The following ATP6V1B2 variants were observed in gnomAD, a reference collection of about 807,000 sequenced individuals.
The protein encoded by ATP6V1B2 is ATPase H+ transporting V1 subunit B2.
A neutral mutation model predicts 66.7 loss-of-function variants in ATP6V1B2; 23 were observed. The ratio of observed to expected loss-of-function variants is 0.34; its 90% confidence interval spans 0.25 to 0.49. The LOEUF (loss-of-function observed/expected upper bound fraction) is 0.49. ATP6V1B2 is among the 20% of genes least tolerant of loss of function. ATP6V1B2 has a pLI of 0.99. For synonymous variants in ATP6V1B2, 278 were observed against 236.7 expected, an observed-to-expected ratio of 1.17 and a Z score of -1.60; for missense variants, 478 against 650.8, an observed-to-expected ratio of 0.73 and a Z score of 2.89.
intron 7 of ATP6V1B2, 75 bp downstream of exon 7, chr8:20,211,828 A>G (rs1293460505): frequency 1.7e-6 from 2 of 1,194,332 alleles, no homozygotes; most frequent in Non-Finnish European, 2.4e-6. Context: ...TAAGCTGTAC[A>G]TATATAGTTG....
At chr8:20,219,047 G>A (rs1054030210) in intron 13 of ATP6V1B2, among the ~76,000 whole-genome samples, 3 of 152,162 alleles carry the variant, frequency 2.0e-5, no homozygotes, top group Non-Finnish European at 4.4e-5. Flanking sequence ...AATTTGTGTT[G>A]TTTTCTTTTG....
At chr8:20,215,147 A>T (rs2072840697) in intron 10 of ATP6V1B2, 179 bp downstream of exon 10, 1 of 689,360 alleles carries the variant, frequency 1.5e-6, no homozygotes, top group African/African-American at 1.8e-5. Context: ...CCTATTGTGG[A>T]GGAAAAGCAA....
intron 2 of ATP6V1B2, among the ~76,000 whole-genome samples, chr8:20,207,851 A>T (rs78715684): frequency 0.1 from 15,244 of 152,182 alleles, 860 homozygotes; most frequent in Admixed American, 0.16. Context: ...TCTATAAATG[A>T]ATAAGAAGGA....
intron 5 of ATP6V1B2, 119 bp downstream of exon 5, chr8:20,210,765 C>A: frequency 1.8e-6 from 1 of 543,306 alleles, no homozygotes; most frequent in Non-Finnish European, 3.1e-6. Context: ...CAACACGCTC[C>A]ATAGGTTATA....
chr8:20,216,110 T>G, intron 10 of ATP6V1B2: 1 of 201,002 alleles, frequency 5.0e-6, no homozygotes, highest in South Asian at 1.1e-4. Context: ...CCAGTATGGT[T>G]GCCGCTAGCC....
chr8:20,217,020 T>A (rs965218156), intron 11 of ATP6V1B2, 200 bp from the exon 12 acceptor site: 2 of 552,764 alleles, frequency 3.6e-6, no homozygotes, highest in African/African-American at 3.8e-5. Context: ...GATTTGATTC[T>A]CGAAAGAAAT....
chr8:20,203,657 A>T (rs1364144819), intron 1 of ATP6V1B2, among the ~76,000 whole-genome samples: 1 of 152,200 alleles, frequency 6.6e-6, no homozygotes, highest in East Asian at 1.9e-4. Flanking sequence ...GGTGTCTGGT[A>T]GAATTACTCT....
chr8:20,199,994 TTGTGTGTG>T (rs34916825), intron 1 of ATP6V1B2, among the ~76,000 whole-genome samples: 4 of 149,472 alleles, frequency 2.7e-5, no homozygotes, highest in Non-Finnish European at 5.9e-5. Context: ...ATTATAGTTA[TTGTGTGTG>T]TGTGTGTGTG....
intron 13 of ATP6V1B2, among the ~76,000 whole-genome samples, chr8:20,219,323 C>T (rs977544090): frequency 2.6e-5 from 4 of 152,056 alleles, no homozygotes; most frequent in African/African-American, 9.7e-5. Context: ...ACTTTTTCAC[C>T]ACTCTTCTTG....
chr8:20,204,883 C>G, intron 2 of ATP6V1B2, among the ~76,000 whole-genome samples: 1 of 152,106 alleles, frequency 6.6e-6, no homozygotes. Flanking sequence ...CGTGTGACCC[C>G]TCTGGAAGTA....
intron 2 of ATP6V1B2, among the ~76,000 whole-genome samples, chr8:20,204,807 G>T (rs765396291): frequency 6.6e-6 from 1 of 152,140 alleles, no homozygotes; most frequent in Non-Finnish European, 1.5e-5. Context: ...GGTTACAGGG[G>T]TGGGTCAGGG....
At position 20,214,808 on chromosome 8, in the gene ATP6V1B2, C is replaced by T; in HGVS notation, c.928-10C>T. Reference sequence around the variant, plus strand: ...CGTGCATGATACTCTTCTGCTTGACCTGCTGTCAGGTTTCAGCAGCCAGGG... The same window carrying T: ...CGTGCATGATACTCTTCTGCTTGACTTGCTGTCAGGTTTCAGCAGCCAGGG... On this transcript the variant is annotated splice_polypyrimidine_tract_variant and intron_variant, in intron 9 of 13. Transcript: ENST00000276390. 6.2e-7 allele frequency: 1 copy of T among 1,607,410 alleles called. No homozygotes were observed. Among genetic ancestry groups the T allele is most frequent in the African/African-American group, 1.3e-5 (1 of 74,774 alleles).
chr8:20,199,002 G>C (rs948393367), intron 1 of ATP6V1B2, among the ~76,000 whole-genome samples: 3 of 152,182 alleles, frequency 2.0e-5, no homozygotes, highest in African/African-American at 4.8e-5. Flanking sequence ...GGGTAGAACA[G>C]ATAGACATTA....
intron 11 of ATP6V1B2, chr8:20,216,708 T>C: frequency 2.3e-6 from 1 of 441,170 alleles, no homozygotes; most frequent in Admixed American, 3.8e-5. Flanking sequence ...TCCTTTATTG[T>C]GTCTTAAAAC....
chr8:20,198,815 A>G (rs2072654676), intron 1 of ATP6V1B2, among the ~76,000 whole-genome samples: 1 of 152,244 alleles, frequency 6.6e-6, no homozygotes, highest in Non-Finnish European at 1.5e-5. Context: ...TGTGCCTTTT[A>G]CAGTAACTGG....
chr8:20,209,681 GT>G (rs2072773838), intron 3 of ATP6V1B2, 150 bp downstream of exon 3: 1 of 744,464 alleles, frequency 1.3e-6, no homozygotes, highest in Non-Finnish European at 2.2e-6. Flanking sequence ...ATTATTGCAT[GT>G]TTTTTTGCTC....
At chr8:20,200,766 C>T (rs180737551) in intron 1 of ATP6V1B2, among the ~76,000 whole-genome samples, 1 of 152,316 alleles carries the variant, frequency 6.6e-6, no homozygotes, top group East Asian at 1.9e-4. Flanking sequence ...AGAGCCAGCC[C>T]TGCAAAAAGT....
At chr8:20,204,169 T>A (rs2072715263) in intron 1 of ATP6V1B2, 1 of 387,206 alleles carries the variant, frequency 2.6e-6, no homozygotes, top group South Asian at 2.2e-5. Flanking sequence ...ACATTCTAAC[T>A]CCACCCCCTC....
intron 7 of ATP6V1B2, 85 bp from the exon 8 acceptor site, chr8:20,212,017 A>G (rs1355865249): frequency 7.6e-7 from 1 of 1,323,574 alleles, no homozygotes; most frequent in African/African-American, 1.5e-5. Flanking sequence ...AGAAGGAACA[A>G]TTCAAATCTG....
Sources: gnomAD v4.1 joint callset for allele counts (sites outside exome capture counted in the v4.1 genomes callset) on GRCh38, gnomAD v4.1.1 for gene constraint, MANE v1.5 for transcripts, NCBI Gene and HGNC (gene_info 2026-07-23, HGNC 2026-07-21) for gene names.